Variants in ABL2 observed in about 807,000 individuals in gnomAD.
ABL2 encodes the protein tyrosine-protein kinase ABL2.
In ABL2, 49 loss-of-function variants were observed where a neutral mutation model predicts 107.7. That is an observed-to-expected ratio of 0.45 (90% CI 0.36 to 0.58). The LOEUF (loss-of-function observed/expected upper bound fraction) is 0.58, where lower values mean the gene tolerates loss of function less well. ABL2 is among the 20% of genes least tolerant of loss of function. The pLI, the probability that ABL2 is intolerant of heterozygous loss-of-function variation, is 0.00. For missense variants in ABL2, 1,245 were observed against 1,457.0 expected (o/e 0.85, Z 2.37); for synonymous variants, 549 against 548.6 (o/e 1.00, Z -0.01).
At chr1:179,156,927 AAAT>A (rs1557962088) in intron 1 of ABL2, among the ~76,000 whole-genome samples, 6 of 132,114 alleles carry the variant, frequency 4.5e-5, no homozygotes, top group South Asian at 2.4e-4. Flanking sequence ...ATAAATAAAT[AAAT>A]AAAACTCTAT....
At chr1:179,172,760 A>G (rs1659795570) in intron 1 of ABL2, among the ~76,000 whole-genome samples, 1 of 152,230 alleles carries the variant, frequency 6.6e-6, no homozygotes, top group Non-Finnish European at 1.5e-5. Flanking sequence ...TTATAAATAC[A>G]TATGGCCTAA....
At chr1:179,201,238 T>C (rs1661650722) in intron 1 of ABL2, among the ~76,000 whole-genome samples, 2 of 152,188 alleles carry the variant, frequency 1.3e-5, no homozygotes, top group Admixed American at 6.5e-5. Context: ...GGAAATAACA[T>C]GGTTTTTTGT....
chr1:179,160,645 TGA>T (rs1341050667), intron 1 of ABL2, among the ~76,000 whole-genome samples: 1 of 150,458 alleles, frequency 6.6e-6, no homozygotes, highest in South Asian at 2.1e-4. Context: ...TACTGAGATA[TGA>T]GTCTTTTAAA....
At position 179,107,525 on chromosome 1, in the gene ABL2, T is replaced by C. The variant is rs571877958; in HGVS notation, c.*193A>G. ...GCCTTGCCCCCACTTAATTTACCTCTCCTATACTTATGTGGTTTGCTTCTT... is the reference window on the plus strand; with the variant it reads ...GCCTTGCCCCCACTTAATTTACCTCCCCTATACTTATGTGGTTTGCTTCTT... On this transcript the variant is annotated 3_prime_UTR_variant, in exon 12 of 12. Coordinates refer to ENST00000502732, the MANE Select transcript of ABL2 (RefSeq NM_007314.4). 47 of 1,161,304 alleles carry C rather than the reference T, an allele frequency of 4.0e-5. No homozygotes were observed. The highest frequency in any genetic ancestry group is 9.1e-5 in the Admixed American group (3 of 32,856). The allele number at this position is 1,161,304 out of a possible 1,614,324, so 71.9% of individuals were successfully genotyped here.
In ABL2 at chr1:179,191,383, T is replaced by C. The variant is rs562545005; in HGVS notation, c.157+37858A>G. On this transcript the variant is annotated intron_variant, in intron 1 of 11. Coordinates refer to ENST00000502732, the MANE Select transcript of ABL2 (RefSeq NM_007314.4). ...AATTATTAGATGTTGTATGATAGTA[T>C]GAGAACCTTAATCTTTCTGTATGAA... Among the ~76,000 whole-genome samples the C allele has an allele frequency of 2.6e-5, 4 of 151,418 alleles. No homozygotes were observed. The South Asian group carries it at 8.4e-4, about 32-fold the overall frequency.
At chr1:179,153,058 C>A (rs1407685082) in intron 1 of ABL2, among the ~76,000 whole-genome samples, 2 of 150,462 alleles carry the variant, frequency 1.3e-5, no homozygotes, top group Admixed American at 1.3e-4. Flanking sequence ...CAACATTTTA[C>A]AGAAAAAAAA....
chr1:179,216,437 C>T (rs1005155030), intron 1 of ABL2, among the ~76,000 whole-genome samples: 4 of 152,180 alleles, frequency 2.6e-5, no homozygotes, highest in Admixed American at 6.5e-5. Flanking sequence ...CAGACACACA[C>T]ATCTCTTTTT....
chr1:179,197,065 G>C (rs1446346191), intron 1 of ABL2, among the ~76,000 whole-genome samples: 1 of 152,108 alleles, frequency 6.6e-6, no homozygotes, highest in Non-Finnish European at 1.5e-5. Flanking sequence ...GGACAGAATA[G>C]AATGTCCAAC....
chr1:179,167,029 G>A (rs1349876674), intron 1 of ABL2, among the ~76,000 whole-genome samples: 1 of 152,046 alleles, frequency 6.6e-6, no homozygotes, highest in Non-Finnish European at 1.5e-5. Context: ...ACTACCACAC[G>A]ATCCTGCAAT....
chr1:179,165,815 G>C lies in ABL2; in HGVS notation c.158-32441C>G, dbSNP rs558462975. Among the ~76,000 whole-genome samples the C allele has an allele frequency of 6.6e-4, 99 of 148,998 alleles. 1 individual carries two copies. The highest frequency in any genetic ancestry group is 3.4e-3 in the Middle Eastern group (1 of 292). ...CAAGACTTTATTTTTTTTTTTTCCA[G>C]ACGGAGTTTCGCTCTTGTTGCCCAG... On this transcript the variant is annotated intron_variant, in intron 1 of 11. Coordinates refer to ENST00000502732, the MANE Select transcript of ABL2 (RefSeq NM_007314.4).
chr1:179,229,208 C>CCCCCCCCCCCCCCAAAA, intron 1 of ABL2, 33 bp downstream of exon 1: 3 of 1,488,052 alleles, frequency 2.0e-6, no homozygotes, highest in Non-Finnish European at 1.8e-6. Flanking sequence ...CGGCCTCCCC[C>CCCCCCCCCCCCCCAAAA]ACGCTCTCAT....
At chr1:179,133,447 C>T in intron 1 of ABL2, 73 bp from the exon 2 acceptor site, 1 of 1,612,288 alleles carries the variant, frequency 6.2e-7, no homozygotes, top group Non-Finnish European at 8.5e-7. Context: ...GCTAAAGTCT[C>T]CTTTTCATGG....
intron 1 of ABL2, among the ~76,000 whole-genome samples, chr1:179,224,116 G>A (rs1384774206): frequency 8.0e-5 from 9 of 113,126 alleles, no homozygotes; most frequent in African/African-American, 3.0e-4. Context: ...GGGCAAGAGA[G>A]TGAGACCCTA....
At chr1:179,205,872 C>A (rs1661945135) in intron 1 of ABL2, among the ~76,000 whole-genome samples, 1 of 152,116 alleles carries the variant, frequency 6.6e-6, no homozygotes, top group South Asian at 2.1e-4. Flanking sequence ...ACTAGCCCTG[C>A]CAATAACAGC....
rs537013461 is a variant in ABL2, at chr1:179,099,700, G to A, written c.*8018C>T. The stretch of plus-strand genomic sequence containing the variant: ...GCGGGGCGGGACCTTTGGTATAAAC[G>A]TTCAACGAGTTTTAAAGAATTGAAT... On this transcript the variant is annotated 3_prime_UTR_variant, in exon 12 of 12. Transcript: ENST00000502732. 4 of 230,662 alleles carry A rather than the reference G, an allele frequency of 1.7e-5. No individual in the cohort carries two copies. Among genetic ancestry groups the A allele is most frequent in the Admixed American group, 1.7e-4 (3 of 17,696 alleles). 14.3% of individuals were successfully genotyped at this position (230,662 alleles called of 1,614,324 possible).
At chr1:179,185,827 AT>A in intron 1 of ABL2, among the ~76,000 whole-genome samples, 1 of 152,294 alleles carries the variant, frequency 6.6e-6, no homozygotes, top group East Asian at 1.9e-4. Context: ...CTGTAATACT[AT>A]TTTTTTAATT....
intron 1 of ABL2, among the ~76,000 whole-genome samples, chr1:179,169,375 G>C (rs1056889901): frequency 9.2e-5 from 14 of 151,806 alleles, no homozygotes; most frequent in African/African-American, 3.4e-4. Context: ...AGTGAAACCC[G>C]GTCTCTACAA....
At position 179,154,443 on chromosome 1, in the gene ABL2, TA is replaced by T. The variant is rs1658556774; in HGVS notation, c.158-21070del. Among the ~76,000 whole-genome samples the T allele has an allele frequency of 2.0e-5, 3 of 152,260 alleles. No homozygotes were observed. In the South Asian group the frequency reaches 6.2e-4, roughly 31 times the overall value. On this transcript the variant is annotated intron_variant, in intron 1 of 11. Transcript: ENST00000502732. ...ATAGAGGACTTGCTATAATTTATTA[TA>T]TTCGGAAACTCTGACTGAGCCACAT... is the stretch of plus-strand genomic sequence containing the variant.
Position 179,143,190 on chromosome 1 carries a change from C to G in ABL2, c.158-9816G>C, listed in dbSNP as rs893058383. 35 of 1,160,766 alleles carry G rather than the reference C, an allele frequency of 3.0e-5. No homozygotes were observed. The Admixed American group carries it at 1.0e-3, about 33-fold the overall frequency. The allele number at this position is 1,160,766 out of a possible 1,614,324, so 71.9% of individuals were successfully genotyped here. ...GGGAACCAATAAAATGGTGAGCATT[C>G]ACAATTCCCAAAGTGGGTGGAGAGT... On this transcript the variant is annotated intron_variant, in intron 1 of 11. Transcript: ENST00000502732.
Sources: allele counts gnomAD v4.1 joint callset (sites outside exome capture counted in the v4.1 genomes callset), GRCh38; gene constraint gnomAD v4.1.1; transcripts MANE v1.5; gene names NCBI Gene and HGNC (gene_info 2026-07-23, HGNC 2026-07-21).